The following LAMA1 variants were observed in gnomAD, a reference collection of about 807,000 sequenced individuals.
LAMA1 encodes laminin subunit alpha 1.
A neutral mutation model predicts 348.7 loss-of-function variants in LAMA1; 219 were observed. That is an observed-to-expected ratio of 0.63 (90% CI 0.56 to 0.70). The LOEUF (loss-of-function observed/expected upper bound fraction) is 0.70. LAMA1 is among the 30% of genes least tolerant of loss of function. LAMA1 has a pLI of 0.00. For synonymous variants in LAMA1, 1,487 were observed against 1,491.0 expected, an observed-to-expected ratio of 1.00 and a Z score of 0.06; for missense variants, 3,744 against 3,888.0, an observed-to-expected ratio of 0.96 and a Z score of 0.99.
At chr18:7,010,161 T>C (rs1205834469) in intron 26 of LAMA1, 39 bp downstream of exon 26, 4 of 1,607,384 alleles carry the variant, frequency 2.5e-6, no homozygotes, top group Non-Finnish European at 3.4e-6. Flanking sequence ...GCAAAGTCAA[T>C]GTCTTTAAGG....
intron 12 of LAMA1, 150 bp from the exon 13 acceptor site, chr18:7,036,238 G>C: frequency 1.4e-6 from 1 of 704,674 alleles, no homozygotes; most frequent in South Asian, 1.5e-5. Context: ...CACATTAAAG[G>C]CAGTGAAAGG....
intron 45 of LAMA1, 116 bp from the exon 46 acceptor site, chr18:6,975,152 A>T: frequency 8.0e-7 from 1 of 1,247,014 alleles, no homozygotes; most frequent in Non-Finnish European, 1.1e-6. Context: ...AAATAAATAC[A>T]TAAAAAGCAA....
At chr18:7,048,531 C>T (rs1335185008) in intron 5 of LAMA1, among the ~76,000 whole-genome samples, 2 of 152,126 alleles carry the variant, frequency 1.3e-5, no homozygotes, top group East Asian at 1.9e-4. Flanking sequence ...GGATTACACA[C>T]GTGAGCCACA....
Position 6,985,418 on chromosome 18 carries a change from T to C in LAMA1, c.5497-18A>G, listed in dbSNP as rs772029234. On this transcript the variant is annotated intron_variant, in intron 38 of 62. Coordinates refer to ENST00000389658, the MANE Select transcript of LAMA1 (RefSeq NM_005559.4). Reference sequence around the variant, plus strand: ...TCTAAGTGCTACATGGAGAAATTAATATTGTAAATATATGCACATCTACTT... The same window carrying C: ...TCTAAGTGCTACATGGAGAAATTAACATTGTAAATATATGCACATCTACTT... The C allele has an allele frequency of 6.8e-6, 11 of 1,613,750 alleles. No homozygotes were observed. Among genetic ancestry groups the C allele is most frequent in the Middle Eastern group, 3.3e-4 (2 of 6,062 alleles).
intron 19 of LAMA1, among the ~76,000 whole-genome samples, chr18:7,022,497 G>A (rs746495908): frequency 2.0e-5 from 3 of 152,176 alleles, no homozygotes; most frequent in Non-Finnish European, 2.9e-5. Flanking sequence ...GTGTCCCCAT[G>A]TCGTAGTACC....
chr18:7,024,327 T>A, intron 18 of LAMA1, 53 bp downstream of exon 18: 1 of 1,387,092 alleles, frequency 7.2e-7, no homozygotes, highest in Non-Finnish European at 1.0e-6. Context: ...AATAAACACA[T>A]AGAATTTATA....
chr18:7,007,103 C>T lies in LAMA1; in HGVS notation c.4260+36G>A, dbSNP rs577119976. ...CTGACACTCAGCGTCCACTTTACTT[C>T]TAAACTCAGGCAAGCACCCCCACAA... is the stretch of plus-strand genomic sequence containing the variant. On this transcript the variant is annotated intron_variant, in intron 29 of 62. Transcript: ENST00000389658. The T allele has an allele frequency of 1.9e-6, 3 of 1,612,048 alleles. No homozygotes were observed. The South Asian group carries it at 3.3e-5, about 18-fold the overall frequency.
At position 7,089,594 on chromosome 18, in the gene LAMA1, C is replaced by T. The variant is rs138427950; in HGVS notation, c.62-9137G>A. Among the ~76,000 whole-genome samples the T allele has an allele frequency of 2.3e-3, 352 of 152,372 alleles. 3 individuals are homozygous for T. The highest frequency in any genetic ancestry group is 2.7e-3 in the Non-Finnish European group (184 of 68,030). ...CTCAGGCGAAGGCCCAATGACCTGGCGTGGGCCTGGCAGCAGCTGCCTCCA... is the reference window on the plus strand; with the variant it reads ...CTCAGGCGAAGGCCCAATGACCTGGTGTGGGCCTGGCAGCAGCTGCCTCCA... On this transcript the variant is annotated intron_variant, in intron 1 of 62. Coordinates refer to ENST00000389658, the MANE Select transcript of LAMA1 (RefSeq NM_005559.4).
chr18:7,021,924 T>G (rs9962171), intron 19 of LAMA1, among the ~76,000 whole-genome samples: 1,650 of 149,772 alleles, frequency 0.011, 28 homozygotes, highest in African/African-American at 0.039. Flanking sequence ...CTGCCATTTA[T>G]TTCATGTCTA....
chr18:7,060,185 A>G (rs1438855476), intron 3 of LAMA1, among the ~76,000 whole-genome samples: 3 of 152,186 alleles, frequency 2.0e-5, no homozygotes, highest in South Asian at 2.1e-4. Context: ...TTTTAAATAC[A>G]TTTCTCAGAG....
At chr18:7,059,908 G>A (rs2058096243) in intron 3 of LAMA1, among the ~76,000 whole-genome samples, 1 of 152,206 alleles carries the variant, frequency 6.6e-6, no homozygotes. Flanking sequence ...TGGCGATTTT[G>A]TGCTCTGTGA....
intron 1 of LAMA1, among the ~76,000 whole-genome samples, chr18:7,113,562 A>T (rs2058343990): frequency 6.6e-6 from 1 of 152,178 alleles, no homozygotes; most frequent in Admixed American, 6.5e-5. Context: ...ACATTAAGTA[A>T]TTTGATAAAG....
intron 19 of LAMA1, among the ~76,000 whole-genome samples, chr18:7,020,490 C>T (rs1600398442): frequency 6.6e-6 from 1 of 152,088 alleles, no homozygotes; most frequent in Non-Finnish European, 1.5e-5. Flanking sequence ...CAGAGGGAAC[C>T]CTGTTATAGA....
Position 6,974,360 on chromosome 18 carries a change from G to A in LAMA1, c.6623+543C>T, listed in dbSNP as rs191138053. On this transcript the variant is annotated intron_variant, in intron 46 of 62. Coordinates refer to ENST00000389658, the MANE Select transcript of LAMA1 (RefSeq NM_005559.4). Reference sequence around the variant, plus strand: ...AACCATCAATGTGTGAATGGATAAAGAAAATGTGGTTTTATACACAAATAC... The same window carrying A: ...AACCATCAATGTGTGAATGGATAAAAAAAATGTGGTTTTATACACAAATAC... 2.8e-3 allele frequency among the ~76,000 whole-genome samples: 425 copies of A among 151,578 alleles called. 3 individuals are homozygous for A. In the Middle Eastern group the frequency reaches 0.034, roughly 12 times the overall value.
rs59623865 is a variant in LAMA1, at chr18:7,092,763, A to G, written c.62-12306T>C. 3.1e-3 allele frequency among the ~76,000 whole-genome samples: 471 copies of G among 152,244 alleles called. 4 individuals are homozygous for G. The highest frequency in any genetic ancestry group is 0.011 in the African/African-American group (452 of 41,524). On this transcript the variant is annotated intron_variant, in intron 1 of 62. Transcript: ENST00000389658. Reference sequence around the variant, plus strand: ...CAAAAATGATCTTTCTCTCTTTCTTAAACCCTGTTTCTTTTGGTCTCCACG... The same window carrying G: ...CAAAAATGATCTTTCTCTCTTTCTTGAACCCTGTTTCTTTTGGTCTCCACG...
intron 1 of LAMA1, among the ~76,000 whole-genome samples, chr18:7,113,304 C>T (rs541912340): frequency 1.3e-5 from 2 of 152,360 alleles, no homozygotes; most frequent in African/African-American, 4.8e-5. Context: ...CAAATAGGTG[C>T]AGGCGTATCC....
intron 40 of LAMA1, 61 bp from the exon 41 acceptor site, chr18:6,982,651 C>T (rs571756934): frequency 7.3e-6 from 10 of 1,363,840 alleles, no homozygotes; most frequent in South Asian, 7.0e-5. Flanking sequence ...CTGCTGGGGA[C>T]AGAGGAAGTG....
At chr18:7,115,814 C>CAAAACAAAAAAAAAAAAA (rs58813825) in intron 1 of LAMA1, among the ~76,000 whole-genome samples, 69 of 94,812 alleles carry the variant, frequency 7.3e-4, no homozygotes, top group East Asian at 6.4e-3. Context: ...ACTAAAAATA[C>CAAAACAAAAAAAAAAAAA]AAAAAAAAAA....
At chr18:6,974,849 T>G (rs1490195453) in intron 46 of LAMA1, 54 bp downstream of exon 46, 11 of 1,607,120 alleles carry the variant, frequency 6.8e-6, no homozygotes, top group Non-Finnish European at 9.4e-6. Context: ...ATGTAATTAC[T>G]TATGAGACAC....
Sources: gnomAD v4.1 joint callset for allele counts (sites outside exome capture counted in the v4.1 genomes callset) on GRCh38, gnomAD v4.1.1 for gene constraint, MANE v1.5 for transcripts, NCBI Gene and HGNC (gene_info 2026-07-23, HGNC 2026-07-21) for gene names.